Variants in FYTTD1 observed in about 807,000 individuals in gnomAD.
The protein encoded by FYTTD1 is forty-two-three domain containing 1, also known as UAP56-interacting factor.
FYTTD1 carries 22 observed loss-of-function variants against 40.9 expected under a neutral mutation model. The ratio of observed to expected loss-of-function variants is 0.54; its 90% CI spans 0.38 to 0.77. The LOEUF (loss-of-function observed/expected upper bound fraction) is 0.77. FYTTD1 is among the 30% of genes least tolerant of loss of function. The pLI, the probability that FYTTD1 is intolerant of heterozygous loss-of-function variation, is 0.00. For missense variants in FYTTD1, 351 were observed against 392.2 expected (o/e 0.90, Z 0.89); for synonymous variants, 140 against 137.9 (o/e 1.01, Z -0.10).
At chr3:197,770,041 A>G in intron 3 of FYTTD1, 91 bp from the exon 4 acceptor site, 1 of 750,660 alleles carries the variant, frequency 1.3e-6, no homozygotes. Context: ...GCAGTTGTCA[A>G]TCCTTGTTCA....
chr3:197,783,519 A>G lies in FYTTD1; in HGVS notation c.*1610A>G, dbSNP rs576996963. 6.5e-6 allele frequency: 1 copy of G among 152,724 alleles called. No individual in the cohort carries two copies. Among genetic ancestry groups the G allele is most frequent in the African/African-American group, 2.4e-5 (1 of 41,562 alleles). 9.5% of individuals were successfully genotyped at this position (152,724 alleles called of 1,614,324 possible). On this transcript the variant is annotated 3_prime_UTR_variant, in exon 9 of 9. Transcript: ENST00000241502. ...CTTTAATATCTGATATTTTCCTGGT[A>G]CTCGTACTGATAAGGGATTATTGGA...
At chr3:197,771,594 G>A (rs201605174) in intron 4 of FYTTD1, among the ~76,000 whole-genome samples, 2 of 151,664 alleles carry the variant, frequency 1.3e-5, no homozygotes, top group Admixed American at 1.3e-4. Flanking sequence ...GGCTAAAAAC[G>A]GTGAAACCCC....
chr3:197,761,778 C>T (rs1729396383), intron 2 of FYTTD1, among the ~76,000 whole-genome samples: 2 of 152,298 alleles, frequency 1.3e-5, no homozygotes, highest in Admixed American at 1.3e-4. Flanking sequence ...GTACAGTAGC[C>T]TTTTCCAGAG....
chr3:197,781,671 A>G, intron 8 of FYTTD1, 140 bp from the exon 9 acceptor site: 3 of 596,132 alleles, frequency 5.0e-6, no homozygotes, highest in South Asian at 2.3e-5. Flanking sequence ...GAGGTCATAC[A>G]TGTAAATATT....
At chr3:197,755,006 G>C (rs556458992) in intron 1 of FYTTD1, among the ~76,000 whole-genome samples, 61 of 152,272 alleles carry the variant, frequency 4.0e-4, no homozygotes, top group African/African-American at 1.4e-3. Context: ...TCTTTTAACA[G>C]ATATAAATGG....
intron 4 of FYTTD1, 124 bp from the exon 5 acceptor site, chr3:197,773,277 TCA>T (rs1729769283): frequency 1.6e-6 from 1 of 614,446 alleles, no homozygotes; most frequent in Non-Finnish European, 2.9e-6. Context: ...AGCAAATAAT[TCA>T]GAGTTGTTTG....
chr3:197,749,723 C>G, upstream of FYTTD1: 1 of 624,700 alleles, frequency 1.6e-6, no homozygotes, highest in Non-Finnish European at 2.9e-6. Context: ...TCGCGAGCGC[C>G]TAGCACAGCG....
rs556300239 is a variant in FYTTD1 at position 197,784,169 on chromosome 3, A to G, written c.*2260A>G. On this transcript the variant is annotated 3_prime_UTR_variant, in exon 9 of 9. Transcript: ENST00000241502. ...CAAAACATTGGTGCCGTGCATCACCAAATGAAAGTTTGTATTTAACGAGGA... is the reference window on the plus strand; with the variant it reads ...CAAAACATTGGTGCCGTGCATCACCGAATGAAAGTTTGTATTTAACGAGGA... 2.6e-5 allele frequency: 4 copies of G among 152,720 alleles called. No individual in the cohort carries two copies. Among genetic ancestry groups the G allele is most frequent in the African/African-American group, 7.2e-5 (3 of 41,552 alleles). 9.5% of individuals were successfully genotyped at this position (152,720 alleles called of 1,614,324 possible). A position where few individuals can be genotyped will look rare whatever the true frequency, so the allele number is the denominator to read the frequency against.
At chr3:197,764,020 C>A (rs921267670) in intron 2 of FYTTD1, among the ~76,000 whole-genome samples, 2 of 152,094 alleles carry the variant, frequency 1.3e-5, no homozygotes, top group Non-Finnish European at 2.9e-5. Context: ...TTTTAAGCTC[C>A]ATGGATGATT....
chr3:197,774,662 G>A (rs1305085073), intron 6 of FYTTD1, among the ~76,000 whole-genome samples: 2 of 150,106 alleles, frequency 1.3e-5, no homozygotes, highest in Non-Finnish European at 2.9e-5. Flanking sequence ...AGCATAGCTC[G>A]ATCGCCAGTG....
chr3:197,749,797 T>C (rs1372909281), upstream of FYTTD1: 1 of 476,428 alleles, frequency 2.1e-6, no homozygotes, highest in Non-Finnish European at 3.7e-6. Flanking sequence ...GGGGCCGCTC[T>C]GGTCGCCCGC....
At chr3:197,764,316 A>G (rs1369887082) in intron 2 of FYTTD1, among the ~76,000 whole-genome samples, 1 of 152,204 alleles carries the variant, frequency 6.6e-6, no homozygotes, top group Non-Finnish European at 1.5e-5. Flanking sequence ...TGTGACAATG[A>G]AAGGGTAAAG....
chr3:197,765,265 C>G (rs1054965533), intron 2 of FYTTD1, among the ~76,000 whole-genome samples: 6 of 152,110 alleles, frequency 3.9e-5, no homozygotes, highest in African/African-American at 1.4e-4. Context: ...GGTTCGTCCT[C>G]CTTTTAATCG....
rs748007922 is a variant in FYTTD1 at position 197,774,185 on chromosome 3, G to A, written c.631G>A (p.Asp211Asn). The A allele has an allele frequency of 9.9e-6, 16 of 1,613,978 alleles. No homozygotes were observed. The highest frequency in any genetic ancestry group is 1.3e-5 in the African/African-American group (1 of 75,024). ...AQLNTEQLLDDVVAKRTRQWR... is the reference protein window; with the variant it reads ...AQLNTEQLLDNVVAKRTRQWR... ...GTTGAATACAGAACAACTGCTAGACGATGTAGTAGCAAAGAGAACTCGTCA... is the reference window on the plus strand; with the variant it reads ...GTTGAATACAGAACAACTGCTAGACAATGTAGTAGCAAAGAGAACTCGTCA... Residue 211 changes from aspartate (D) to asparagine (N), a missense_variant, in exon 6 of 9, where the codon GAT becomes AAT. Physicochemically the swap from Asp to Asn is conservative, Grantham distance 23. Coordinates refer to ENST00000241502, the MANE Select transcript of FYTTD1 (RefSeq NM_032288.7).
At chr3:197,763,002 C>G (rs978886127) in intron 2 of FYTTD1, among the ~76,000 whole-genome samples, 9 of 152,170 alleles carry the variant, frequency 5.9e-5, no homozygotes, top group African/African-American at 2.2e-4. Flanking sequence ...ACGTGTACCC[C>G]AACCTTAAAA....
At chr3:197,753,047 C>G (rs1195791105) in intron 1 of FYTTD1, among the ~76,000 whole-genome samples, 2 of 152,134 alleles carry the variant, frequency 1.3e-5, no homozygotes, top group African/African-American at 2.4e-5. Context: ...CTGTGGAGAG[C>G]TGAAACAGCT....
chr3:197,782,026 T>C lies in FYTTD1; in HGVS notation c.*117T>C, dbSNP rs1242053056. On this transcript the variant is annotated 3_prime_UTR_variant, in exon 9 of 9. Transcript: ENST00000241502. The stretch of plus-strand genomic sequence containing the variant: ...AATATTCACAAGGCTAAATAACTCT[T>C]ATTTTTATTTTTGAAGGTTTTTTTT... The C allele has an allele frequency of 2.1e-6, 1 of 476,020 alleles. No homozygotes were observed. 29.5% of individuals were successfully genotyped at this position (476,020 alleles called of 1,614,324 possible).
chr3:197,775,613 A>C (rs546393099), intron 6 of FYTTD1, among the ~76,000 whole-genome samples: 13 of 152,342 alleles, frequency 8.5e-5, no homozygotes, highest in Non-Finnish European at 1.6e-4. Flanking sequence ...GATTGAATAC[A>C]TGGACGTAGA....
chr3:197,765,275 G>A (rs538183144), intron 2 of FYTTD1, among the ~76,000 whole-genome samples: 99 of 151,904 alleles, frequency 6.5e-4, no homozygotes, highest in African/African-American at 2.2e-3. Flanking sequence ...CCTTTTAATC[G>A]TTTCTTTTTT....
Sources: gnomAD v4.1 joint callset for allele counts (sites outside exome capture counted in the v4.1 genomes callset) on GRCh38, gnomAD v4.1.1 for gene constraint, MANE v1.5 for transcripts, NCBI Gene and HGNC (gene_info 2026-07-23, HGNC 2026-07-21) for gene names.